ALK: variants seen among roughly 807,000 people sequenced by gnomAD.
ALK encodes ALK tyrosine kinase receptor.
In ALK, 74 loss-of-function variants were observed where a neutral mutation model predicts 163.1. That is an observed-to-expected ratio of 0.45 (90% confidence interval 0.38 to 0.55). The LOEUF is 0.55. Among genes scored for constraint, ALK ranks in the 20% least tolerant of loss-of-function variants. ALK has a pLI of 0.00. For missense variants in ALK, 2,063 were observed against 2,105.3 expected (o/e 0.98, Z 0.39); for synonymous variants, 960 against 843.2 (o/e 1.14, Z -2.40).
intron 3 of ALK, among the ~76,000 whole-genome samples, chr2:29,570,299 T>G (rs1674321879): frequency 6.6e-6 from 1 of 152,192 alleles, no homozygotes; most frequent in Admixed American, 6.5e-5. Context: ...ACACTGGACT[T>G]GGAAGATGAT....
intron 4 of ALK, among the ~76,000 whole-genome samples, chr2:29,480,293 G>A (rs1671631262): frequency 6.6e-6 from 1 of 152,132 alleles, no homozygotes; most frequent in Non-Finnish European, 1.5e-5. Flanking sequence ...AAAAAGGAAA[G>A]AAAAACAAAG....
At chr2:29,207,417 G>C in intron 25 of ALK, 145 bp from the exon 26 acceptor site, 1 of 714,248 alleles carries the variant, frequency 1.4e-6, no homozygotes, top group South Asian at 1.5e-5. Context: ...GGTTCAGGAG[G>C]AGAGCAGGGG....
chr2:29,477,440 G>C (rs1039207160), intron 4 of ALK, among the ~76,000 whole-genome samples: 2 of 152,170 alleles, frequency 1.3e-5, no homozygotes, highest in Non-Finnish European at 2.9e-5. Context: ...TGGAGTTCTT[G>C]GCACACATAT....
intron 4 of ALK, among the ~76,000 whole-genome samples, chr2:29,501,296 T>C (rs1336303310): frequency 6.6e-6 from 1 of 152,238 alleles, no homozygotes; most frequent in East Asian, 1.9e-4. Context: ...GCATTCATCC[T>C]GTGAGCCTCA....
At chr2:29,284,857 G>A (rs146217230) in intron 9 of ALK, among the ~76,000 whole-genome samples, 5 of 152,292 alleles carry the variant, frequency 3.3e-5, no homozygotes, top group African/African-American at 7.2e-5. Flanking sequence ...GCCACCGGCC[G>A]CATCTCTTCT....
At chr2:29,657,526 G>C (rs1677220775) in intron 3 of ALK, among the ~76,000 whole-genome samples, 1 of 152,144 alleles carries the variant, frequency 6.6e-6, no homozygotes, top group Non-Finnish European at 1.5e-5. Flanking sequence ...CTAGGGAATT[G>C]GGGGATATGG....
chr2:29,334,047 C>G (rs905135934), intron 5 of ALK, among the ~76,000 whole-genome samples: 4 of 152,200 alleles, frequency 2.6e-5, no homozygotes, highest in African/African-American at 9.7e-5. Flanking sequence ...TTGGCTTCCC[C>G]TCTCCTCTGG....
intron 1 of ALK, among the ~76,000 whole-genome samples, chr2:29,800,067 G>A (rs573898239): frequency 4.7e-4 from 71 of 152,326 alleles, no homozygotes; most frequent in South Asian, 2.1e-3. Context: ...GGTGCGTGCC[G>A]TGCTCTAAGA....
intron 3 of ALK, among the ~76,000 whole-genome samples, chr2:29,690,327 A>C (rs993312820): frequency 6.6e-6 from 1 of 152,190 alleles, no homozygotes; most frequent in Admixed American, 6.5e-5. Flanking sequence ...GAGTCAGAGG[A>C]CGGGGAGAGA....
rs75359252 is a variant in ALK, at chr2:29,706,221, C to A, written c.788-11207G>T. Among the ~76,000 whole-genome samples the A allele has an allele frequency of 1.8e-3, 273 of 152,346 alleles. 2 individuals carry two copies. The highest frequency in any genetic ancestry group is 6.3e-3 in the African/African-American group (260 of 41,586). On this transcript the variant is annotated intron_variant, in intron 2 of 28. Transcript: ENST00000389048. ...CCTTTGGGCAGGTGGCCAAAATAAACTCTCTAACTTCACTCTAGCCAGCTG... is the reference window on the plus strand; with the variant it reads ...CCTTTGGGCAGGTGGCCAAAATAAAATCTCTAACTTCACTCTAGCCAGCTG...
intron 5 of ALK, among the ~76,000 whole-genome samples, chr2:29,338,671 T>C (rs914641046): frequency 5.3e-5 from 8 of 152,214 alleles, no homozygotes; most frequent in African/African-American, 1.9e-4. Context: ...CTTCTCCCAC[T>C]AAATTCTAAA....
At chr2:29,539,612 G>GTATTATAACTTT (rs74277527) in intron 3 of ALK, among the ~76,000 whole-genome samples, 64,285 of 151,824 alleles carry the variant, frequency 0.42, 14,345 homozygotes, top group East Asian at 0.64. Flanking sequence ...TTGAGCACAG[G>GTATTATAACTTT]GTAGATCATA....
intron 2 of ALK, among the ~76,000 whole-genome samples, chr2:29,704,748 A>C (rs1357573625): frequency 1.3e-5 from 2 of 152,118 alleles, no homozygotes; most frequent in Non-Finnish European, 2.9e-5. Flanking sequence ...TTCTCAGGCC[A>C]GGAGCCACAG....
At chr2:29,882,080 C>T (rs550638600) in intron 1 of ALK, among the ~76,000 whole-genome samples, 7 of 152,228 alleles carry the variant, frequency 4.6e-5, no homozygotes, top group East Asian at 1.9e-4. Context: ...ACAGGGACTC[C>T]GTCTGAGGTT....
chr2:29,768,284 TA>T (rs1479156676), intron 1 of ALK, among the ~76,000 whole-genome samples: 1 of 152,174 alleles, frequency 6.6e-6, no homozygotes, highest in African/African-American at 2.4e-5. Flanking sequence ...GAATTCTGGG[TA>T]AACGGGGGCC....
chr2:29,221,907 G>A (rs1401875560), intron 22 of ALK, among the ~76,000 whole-genome samples: 3 of 152,234 alleles, frequency 2.0e-5, no homozygotes, highest in Non-Finnish European at 4.4e-5. Context: ...GTCAAAAGGT[G>A]CAGCCAGCTG....
At chr2:29,780,030 G>A (rs184540625) in intron 1 of ALK, among the ~76,000 whole-genome samples, 4 of 152,348 alleles carry the variant, frequency 2.6e-5, no homozygotes, top group East Asian at 1.9e-4. Context: ...CAGCATCATT[G>A]TGGACCAAGC....
intron 3 of ALK, among the ~76,000 whole-genome samples, chr2:29,533,825 C>T (rs771860060): frequency 1.3e-5 from 2 of 152,110 alleles, no homozygotes; most frequent in African/African-American, 2.4e-5. Context: ...AAATAGAGGT[C>T]ATAAAGTCAG....
chr2:29,650,032 G>A (rs921885945), intron 3 of ALK, among the ~76,000 whole-genome samples: 1 of 152,178 alleles, frequency 6.6e-6, no homozygotes, highest in Non-Finnish European at 1.5e-5. Context: ...AGGGAAGGAA[G>A]GAAAAGTGTC....
Sources: gnomAD v4.1 joint callset for allele counts (sites outside exome capture counted in the v4.1 genomes callset) on GRCh38, gnomAD v4.1.1 for gene constraint, MANE v1.5 for transcripts, NCBI Gene and HGNC (gene_info 2026-07-23, HGNC 2026-07-21) for gene names.